The following ERBB4 variants were observed in gnomAD, a reference collection of about 807,000 sequenced individuals.
ERBB4 encodes receptor tyrosine-protein kinase erbB-4.
Under a neutral mutation model 158.0 loss-of-function variants are expected in ERBB4, and 42 were observed. The observed-to-expected ratio is 0.27, with a 90% CI of 0.21 to 0.34. ERBB4 has a LOEUF of 0.34. Ranked by LOEUF, ERBB4 falls within the 10% of genes least tolerant of loss-of-function variation. The pLI, the probability that ERBB4 is intolerant of heterozygous loss-of-function variation, is 1.00. For missense variants in ERBB4, 1,333 were observed against 1,624.1 expected (o/e 0.82, Z 3.08); for synonymous variants, 583 against 558.7 (o/e 1.04, Z -0.61).
In ERBB4 at chr2:211,383,562, G is replaced by A. The variant is rs2125307245; in HGVS notation, c.*53C>T. The stretch of plus-strand genomic sequence containing the variant: ...GAAGACCACCAGAGAAAGAGAGGGG[G>A]GTGGGGAAATTGGAGCAGGTGTGTC... On this transcript the variant is annotated 3_prime_UTR_variant, in exon 28 of 28. Transcript: ENST00000342788. 1.4e-6 allele frequency: 2 copies of A among 1,444,544 alleles called. No individual in the cohort carries two copies. Among genetic ancestry groups the A allele is most frequent in the South Asian group, 1.1e-5 (1 of 87,044 alleles). The allele number at this position is 1,444,544 out of a possible 1,614,324, so 89.5% of individuals were successfully genotyped here. A position where few individuals can be genotyped will look rare whatever the true frequency, so the allele number is the denominator to read the frequency against.
chr2:211,836,597 C>T (rs1437398774), intron 3 of ERBB4, among the ~76,000 whole-genome samples: 1 of 151,976 alleles, frequency 6.6e-6, no homozygotes, highest in Non-Finnish European at 1.5e-5. Context: ...ATTGTTTGCA[C>T]AACAATCGAA....
intron 1 of ERBB4, among the ~76,000 whole-genome samples, chr2:212,347,654 A>C (rs1014180821): frequency 1.3e-5 from 2 of 152,150 alleles, no homozygotes; most frequent in African/African-American, 4.8e-5. Context: ...TATTTTTACC[A>C]GTTGAGGATC....
At chr2:211,662,743 T>G (rs2071476848) in intron 15 of ERBB4, among the ~76,000 whole-genome samples, 1 of 152,218 alleles carries the variant, frequency 6.6e-6, no homozygotes, top group African/African-American at 2.4e-5. Context: ...ATATTTAATG[T>G]ACTTTTAGAG....
intron 1 of ERBB4, among the ~76,000 whole-genome samples, chr2:212,531,169 A>G (rs757281940): frequency 2.6e-5 from 4 of 152,074 alleles, no homozygotes; most frequent in Non-Finnish European, 4.4e-5. Flanking sequence ...TTCATCTCCA[A>G]TTTCTATCAG....
At chr2:211,888,997 T>G (rs1362593996) in intron 3 of ERBB4, among the ~76,000 whole-genome samples, 1 of 147,624 alleles carries the variant, frequency 6.8e-6, no homozygotes, top group Non-Finnish European at 1.5e-5. Flanking sequence ...TGCCCAGGCT[T>G]GCTTAGGTAA....
At chr2:211,980,797 C>T (rs1324174617) in intron 2 of ERBB4, among the ~76,000 whole-genome samples, 1 of 152,110 alleles carries the variant, frequency 6.6e-6, no homozygotes, top group Non-Finnish European at 1.5e-5. Context: ...TGTCTCAGGA[C>T]ACATTGTACA....
At chr2:212,248,555 C>G (rs2106039462) in intron 1 of ERBB4, among the ~76,000 whole-genome samples, 1 of 152,246 alleles carries the variant, frequency 6.6e-6, no homozygotes, top group African/African-American at 2.4e-5. Flanking sequence ...TATGCTGCCT[C>G]AAATTAAGAA....
At chr2:212,152,969 C>T (rs538636445) in intron 1 of ERBB4, among the ~76,000 whole-genome samples, 37 of 152,142 alleles carry the variant, frequency 2.4e-4, no homozygotes, top group Non-Finnish European at 3.4e-4. Context: ...GCTAATCTCA[C>T]GGGAACAGGT....
chr2:212,445,524 A>C (rs2092332006), intron 1 of ERBB4, among the ~76,000 whole-genome samples: 1 of 152,172 alleles, frequency 6.6e-6, no homozygotes, highest in Admixed American at 6.5e-5. Context: ...CAACAGGCTA[A>C]GGAGGGAGTT....
intron 1 of ERBB4, among the ~76,000 whole-genome samples, chr2:212,461,161 C>T (rs1688553538): frequency 6.6e-6 from 1 of 152,196 alleles, no homozygotes; most frequent in African/African-American, 2.4e-5. Flanking sequence ...ACTGGGGCAC[C>T]ACCTAGTGGA....
intron 2 of ERBB4, among the ~76,000 whole-genome samples, chr2:212,062,985 GAATAA>G (rs974686284): frequency 2.2e-4 from 34 of 152,196 alleles, no homozygotes; most frequent in African/African-American, 6.7e-4. Flanking sequence ...TGTGAAAATT[GAATAA>G]AATAAACTAT....
chr2:211,740,157 T>G (rs2074741155), intron 5 of ERBB4, among the ~76,000 whole-genome samples: 1 of 152,184 alleles, frequency 6.6e-6, no homozygotes, highest in Non-Finnish European at 1.5e-5. Flanking sequence ...AGAACAAAAC[T>G]TGTAGGTATT....
Position 211,725,067 on chromosome 2 carries a change from C to A in ERBB4, c.741+9G>T, listed in dbSNP as rs766944562. ...GCAGGATAATAAAAGAGAGAAATCACAGACATACAAAGCAGTCTGTGTCCT... is the reference window on the plus strand; with the variant it reads ...GCAGGATAATAAAAGAGAGAAATCAAAGACATACAAAGCAGTCTGTGTCCT... On this transcript the variant is annotated intron_variant, in intron 6 of 27. Coordinates refer to ENST00000342788, the MANE Select transcript of ERBB4 (RefSeq NM_005235.3). 6.4e-7 allele frequency: 1 copy of A among 1,557,912 alleles called. No individual in the cohort carries two copies. The highest frequency in any genetic ancestry group is 1.1e-5 in the South Asian group (1 of 89,948).
chr2:212,522,387 A>ATTATACAATTCT (rs1294557663), intron 1 of ERBB4, among the ~76,000 whole-genome samples: 2 of 151,996 alleles, frequency 1.3e-5, no homozygotes, highest in Non-Finnish European at 2.9e-5. Flanking sequence ...GATGTACAGA[A>ATTATACAATTCT]GTTTATAACA....
At chr2:212,106,657 G>A (rs995307271) in intron 2 of ERBB4, among the ~76,000 whole-genome samples, 1 of 152,220 alleles carries the variant, frequency 6.6e-6, no homozygotes, top group Non-Finnish European at 1.5e-5. Flanking sequence ...ATGTCCCCAG[G>A]GCATGTCAGA....
At position 211,417,912 on chromosome 2, in the gene ERBB4, T is replaced by C. The variant is rs142782694; in HGVS notation, c.3135+2529A>G. On this transcript the variant is annotated intron_variant, in intron 25 of 27. Transcript: ENST00000342788. ...TAAAAGTAGAGTAATAAAATTTGTT[T>C]ACCTGGCATTATAAATACTCTGCAA... Among the ~76,000 whole-genome samples, 379 of 152,284 alleles carry C rather than the reference T, an allele frequency of 2.5e-3. 2 individuals are homozygous for C. Among genetic ancestry groups the C allele is most frequent in the Admixed American group, 4.5e-3 (69 of 15,306 alleles).
At chr2:212,191,560 T>C (rs146492784) in intron 1 of ERBB4, among the ~76,000 whole-genome samples, 23 of 133,804 alleles carry the variant, frequency 1.7e-4, no homozygotes, top group South Asian at 5.2e-4. Flanking sequence ...ATGCCTGTTA[T>C]ATATAACACA....
intron 19 of ERBB4, among the ~76,000 whole-genome samples, chr2:211,598,501 A>T (rs971916328): frequency 1.3e-5 from 2 of 152,196 alleles, no homozygotes; most frequent in African/African-American, 4.8e-5. Flanking sequence ...TCTGTTTGGA[A>T]TATGTTAAAC....
At position 211,726,820 on chromosome 2, in the gene ERBB4, G is replaced by A. The variant is rs541251538; in HGVS notation, c.623-1626C>T. Reference sequence around the variant, plus strand: ...CAGTATGAAACTTATGACCATCCCCGTACTAAAGGATTAAACCTTAAGCAA... The same window carrying A: ...CAGTATGAAACTTATGACCATCCCCATACTAAAGGATTAAACCTTAAGCAA... On this transcript the variant is annotated intron_variant, in intron 5 of 27. Transcript: ENST00000342788. Among the ~76,000 whole-genome samples the A allele has an allele frequency of 6.6e-5, 10 of 152,140 alleles. No individual in the cohort carries two copies. The South Asian group carries it at 1.9e-3, about 28-fold the overall frequency.
Sources: allele counts gnomAD v4.1 joint callset (sites outside exome capture counted in the v4.1 genomes callset), GRCh38; gene constraint gnomAD v4.1.1; transcripts MANE v1.5; gene names NCBI Gene and HGNC (gene_info 2026-07-23, HGNC 2026-07-21).